Variants in NARS2 observed in about 807,000 individuals in gnomAD.
NARS2 encodes asparaginyl-tRNA synthetase 2, mitochondrial.
Under a neutral mutation model 62.9 loss-of-function variants are expected in NARS2, and 60 were observed. The ratio of observed to expected loss-of-function variants is 0.95; its 90% CI spans 0.77 to 1.18. The LOEUF (loss-of-function observed/expected upper bound fraction) is 1.18, where lower values mean the gene tolerates loss of function less well. Among genes scored for constraint, NARS2 ranks in the 50% most tolerant of loss-of-function variants. The pLI, the probability that NARS2 is intolerant of heterozygous loss-of-function variation, is 0.00. For synonymous variants in NARS2, 196 were observed against 200.0 expected, an observed-to-expected ratio of 0.98 and a Z score of 0.17; for missense variants, 619 against 576.4, an observed-to-expected ratio of 1.07 and a Z score of -0.76.
At chr11:78,484,410 A>G (rs925699930) in intron 7 of NARS2, among the ~76,000 whole-genome samples, 1 of 152,186 alleles carries the variant, frequency 6.6e-6, no homozygotes, top group African/African-American at 2.4e-5. Context: ...TAAACTAAAG[A>G]GCTTCTCACA....
chr11:78,539,949 G>A (rs1466544141), intron 5 of NARS2, among the ~76,000 whole-genome samples: 1 of 152,124 alleles, frequency 6.6e-6, no homozygotes, highest in Non-Finnish European at 1.5e-5. Context: ...CTTGGTATAA[G>A]ATTTTGTTTG....
chr11:78,558,815 T>C (rs1440832609), intron 5 of NARS2, among the ~76,000 whole-genome samples: 1 of 152,186 alleles, frequency 6.6e-6, no homozygotes, highest in Non-Finnish European at 1.5e-5. Context: ...TTTAAAGACT[T>C]TGAAAAAGAA....
chr11:78,534,854 A>G (rs1861614274), intron 5 of NARS2, among the ~76,000 whole-genome samples: 1 of 152,244 alleles, frequency 6.6e-6, no homozygotes, highest in Admixed American at 6.5e-5. Flanking sequence ...TGGAAAGAGC[A>G]TGGAAAAAAA....
intron 6 of NARS2, among the ~76,000 whole-genome samples, chr11:78,511,266 A>C (rs965081557): frequency 6.6e-6 from 1 of 152,166 alleles, no homozygotes; most frequent in Non-Finnish European, 1.5e-5. Context: ...TTTTGTAGAG[A>C]TGGAGTCTCA....
chr11:78,564,655 CT>C (rs2135530146), intron 4 of NARS2, among the ~76,000 whole-genome samples: 1 of 152,278 alleles, frequency 6.6e-6, no homozygotes, highest in African/African-American at 2.4e-5. Context: ...AATTTATCAG[CT>C]GTTGAAGCCA....
chr11:78,484,493 G>A (rs192132045), intron 7 of NARS2, among the ~76,000 whole-genome samples: 1 of 152,164 alleles, frequency 6.6e-6, no homozygotes, highest in East Asian at 1.9e-4. Context: ...CTACCCGTCT[G>A]ACAAAGGGCT....
chr11:78,513,593 C>A (rs537717260), intron 6 of NARS2, among the ~76,000 whole-genome samples: 5 of 151,892 alleles, frequency 3.3e-5, no homozygotes, highest in Non-Finnish European at 7.4e-5. Context: ...GCCTGGTCAA[C>A]ATGGTAAAAC....
chr11:78,487,134 T>C (rs1271391306), intron 7 of NARS2, among the ~76,000 whole-genome samples: 1 of 151,896 alleles, frequency 6.6e-6, no homozygotes, highest in Non-Finnish European at 1.5e-5. Flanking sequence ...GGTGGGCGGA[T>C]CACTTGAGGT....
intron 5 of NARS2, among the ~76,000 whole-genome samples, chr11:78,531,183 G>C (rs1043372730): frequency 6.6e-6 from 1 of 151,996 alleles, no homozygotes; most frequent in African/African-American, 2.4e-5. Context: ...CTCTCGAAGA[G>C]AGTTAAAGGT....
At position 78,571,419 on chromosome 11, in the gene NARS2, T is replaced by G. The variant is rs201751992; in HGVS notation, c.167A>C (p.Gln56Pro). Reference protein sequence around the residue: ...IQGWIRSVRSQKEVLFLHVND... With the variant: ...IQGWIRSVRSPKEVLFLHVND... Reference sequence around the variant, plus strand: ...TACATGCAGGAACAAGACTTCCTTCTGGGATCGGACAGAACGAATCCATCC... The same window carrying G: ...TACATGCAGGAACAAGACTTCCTTCGGGGATCGGACAGAACGAATCCATCC... Residue 56 changes from glutamine (Q) to proline (P), a missense_variant, in exon 2 of 14, where the codon CAG (glutamine) becomes CCG (proline). Physicochemically the swap from Gln to Pro is moderately conservative, Grantham distance 76. Transcript: ENST00000281038. 1.2e-6 allele frequency: 2 copies of G among 1,613,274 alleles called. No homozygotes were observed. Among genetic ancestry groups the G allele is most frequent in the South Asian group, 2.2e-5 (2 of 90,998 alleles).
At chr11:78,482,703 A>C (rs1180091591) in intron 7 of NARS2, among the ~76,000 whole-genome samples, 1 of 152,224 alleles carries the variant, frequency 6.6e-6, no homozygotes, top group Non-Finnish European at 1.5e-5. Context: ...AAGAAGTCCA[A>C]TCCCTGAATA....
At chr11:78,457,371 G>A (rs1292325872) in intron 11 of NARS2, among the ~76,000 whole-genome samples, 2 of 151,976 alleles carry the variant, frequency 1.3e-5, no homozygotes. Context: ...ATCCATTACA[G>A]GAACTCTTGC....
intron 11 of NARS2, among the ~76,000 whole-genome samples, chr11:78,444,252 C>T (rs998080513): frequency 6.6e-6 from 1 of 151,636 alleles, no homozygotes; most frequent in Admixed American, 6.6e-5. Context: ...AACTGCTTTC[C>T]TTTTTAGTTG....
chr11:78,524,435 T>C (rs1861229134), intron 6 of NARS2, among the ~76,000 whole-genome samples: 1 of 152,102 alleles, frequency 6.6e-6, no homozygotes, highest in Non-Finnish European at 1.5e-5. Flanking sequence ...TAAAATATGC[T>C]TGACTTCATG....
At chr11:78,553,283 AC>A (rs1156278666) in intron 5 of NARS2, among the ~76,000 whole-genome samples, 4 of 147,668 alleles carry the variant, frequency 2.7e-5, no homozygotes, top group African/African-American at 1.0e-4. Context: ...TGTCCTTTGC[AC>A]CCCCCCTTTT....
At chr11:78,479,217 T>C (rs1051522968) in intron 7 of NARS2, among the ~76,000 whole-genome samples, 1 of 152,160 alleles carries the variant, frequency 6.6e-6, no homozygotes, top group African/African-American at 2.4e-5. Context: ...AATATAAATA[T>C]ATACATTTTT....
At position 78,574,475 on chromosome 11, in the gene NARS2, C is replaced by A. The variant is rs1437163402; in HGVS notation, c.14G>T (p.Arg5Leu). MLGVRCLLRSVRFCS... is the reference protein window; with the variant it reads MLGVLCLLRSVRFCS... ...GAAGCGCACGGACCGCAGCAGGCAG[C>A]GGACCCCCAGCATCCCGCGTCCGCC... The change falls in exon 1 of 14, where the codon CGC becomes CTC. Residue 5 changes from arginine (R) to leucine (L), a missense_variant. By Grantham distance (102) the Arg-to-Leu change is moderately radical (BLOSUM62 -2). Coordinates refer to ENST00000281038, the MANE Select transcript of NARS2 (RefSeq NM_024678.6). The A allele has an allele frequency of 3.7e-6, 6 of 1,612,182 alleles. No homozygotes were observed. The highest frequency in any genetic ancestry group is 1.7e-5 in the Admixed American group (1 of 59,808).
At chr11:78,563,644 A>C (rs1409708881) in intron 4 of NARS2, among the ~76,000 whole-genome samples, 2 of 149,888 alleles carry the variant, frequency 1.3e-5, no homozygotes, top group Non-Finnish European at 3.0e-5. Flanking sequence ...CAGCCTGGCC[A>C]ACATAGTGAA....
chr11:78,458,355 T>C (rs1375964459), intron 11 of NARS2, among the ~76,000 whole-genome samples: 1 of 152,218 alleles, frequency 6.6e-6, no homozygotes, highest in Non-Finnish European at 1.5e-5. Flanking sequence ...CACAGCTATC[T>C]ACTTTTCTTA....
Sources: gnomAD v4.1 joint callset for allele counts (sites outside exome capture counted in the v4.1 genomes callset) on GRCh38, gnomAD v4.1.1 for gene constraint, MANE v1.5 for transcripts, NCBI Gene and HGNC (gene_info 2026-07-23, HGNC 2026-07-21) for gene names.